The following CTSS variants were observed in gnomAD, a reference collection of about 807,000 sequenced individuals.
The protein encoded by CTSS is cathepsin S.
In CTSS, 15 loss-of-function variants were observed where a neutral mutation model predicts 39.9. The observed-to-expected ratio is 0.38, with a 90% CI of 0.25 to 0.58. The LOEUF is 0.58. Ranked by LOEUF, CTSS falls within the 20% of genes least tolerant of loss-of-function variation. CTSS has a pLI of 0.70. For synonymous variants in CTSS, 126 were observed against 138.2 expected (o/e 0.91, Z 0.62); for missense variants, 250 against 398.2 (o/e 0.63, Z 3.17).
At chr1:150,746,973 A>T (rs1345957263) in intron 7 of CTSS, among the ~76,000 whole-genome samples, 1 of 152,324 alleles carries the variant, frequency 6.6e-6, no homozygotes, top group East Asian at 1.9e-4. Context: ...GCAGTATGAA[A>T]GATGGATTTG....
chr1:150,730,389 C>A lies in CTSS; in HGVS notation c.*2657G>T, dbSNP rs1001659668. 6.6e-6 allele frequency: 1 copy of A among 152,104 alleles called. No individual in the cohort carries two copies. Among genetic ancestry groups the A allele is most frequent in the Non-Finnish European group, 1.5e-5 (1 of 68,032 alleles). The allele number at this position is 152,104 out of a possible 1,614,324, so 9.4% of individuals were successfully genotyped here. A position where few individuals can be genotyped will look rare whatever the true frequency, so the allele number is the denominator to read the frequency against. On this transcript the variant is annotated 3_prime_UTR_variant, in exon 8 of 8. Transcript: ENST00000368985. ...AATAAACTGGGGGAAACTGAGAGGC[C>A]TGTTTGTTTAGATTCCTCTTTGTGT... is the stretch of plus-strand genomic sequence containing the variant.
At chr1:150,739,040 C>T (rs1044479145) in intron 7 of CTSS, among the ~76,000 whole-genome samples, 2 of 152,008 alleles carry the variant, frequency 1.3e-5, no homozygotes, top group African/African-American at 4.8e-5. Context: ...ACTAAAAATA[C>T]AAAATTAGCA....
chr1:150,749,451 C>T (rs751109763), intron 6 of CTSS, among the ~76,000 whole-genome samples: 10 of 152,098 alleles, frequency 6.6e-5, no homozygotes, highest in Admixed American at 3.9e-4. Flanking sequence ...GAACAAGACC[C>T]TAACTCTCTT....
intron 6 of CTSS, among the ~76,000 whole-genome samples, chr1:150,749,652 TCTTC>T (rs1652968372): frequency 6.7e-6 from 1 of 149,254 alleles, no homozygotes; most frequent in African/African-American, 2.5e-5. Flanking sequence ...TCTCTTTCTT[TCTTC>T]CTTGTTTTTT....
Position 150,750,893 on chromosome 1 carries a change from C to T in CTSS, c.628-722G>A, listed in dbSNP as rs866845658. The stretch of plus-strand genomic sequence containing the variant: ...TTGAGCTCAAGCAATCCTCCCACCT[C>T]GACCTCCCAAAGTGCTGACATTACA... On this transcript the variant is annotated intron_variant, in intron 5 of 7. Coordinates refer to ENST00000368985, the MANE Select transcript of CTSS (RefSeq NM_004079.5). 3.3e-5 allele frequency among the ~76,000 whole-genome samples: 5 copies of T among 152,200 alleles called. 1 individual carries two copies. The Middle Eastern group carries it at 0.014, about 414-fold the overall frequency.
intron 7 of CTSS, among the ~76,000 whole-genome samples, chr1:150,734,048 G>A (rs1408004007): frequency 6.7e-6 from 1 of 149,332 alleles, no homozygotes; most frequent in African/African-American, 2.5e-5. Context: ...TTTTTTTGGA[G>A]GTGAAGTTTC....
chr1:150,760,862 CAG>C (rs983527188), intron 2 of CTSS, among the ~76,000 whole-genome samples: 22 of 146,536 alleles, frequency 1.5e-4, no homozygotes, highest in African/African-American at 5.6e-4. Context: ...ACCTGGGTGA[CAG>C]AGCAAGATCT....
intron 7 of CTSS, among the ~76,000 whole-genome samples, chr1:150,744,670 G>T (rs587634106): frequency 7.1e-6 from 1 of 140,462 alleles, no homozygotes; most frequent in South Asian, 2.1e-4. Flanking sequence ...TGTATATTAT[G>T]TATGCATACA....
intron 7 of CTSS, among the ~76,000 whole-genome samples, chr1:150,734,579 G>A (rs1192035708): frequency 6.6e-6 from 1 of 152,112 alleles, no homozygotes; most frequent in Non-Finnish European, 1.5e-5. Flanking sequence ...AGGCAAGGCA[G>A]AGGTTGCAGT....
intron 7 of CTSS, among the ~76,000 whole-genome samples, chr1:150,745,820 CT>C (rs915933734): frequency 1.1e-4 from 16 of 149,246 alleles, no homozygotes; most frequent in South Asian, 4.3e-4. Context: ...AGGCATCAAA[CT>C]TTTTTTTTTA....
At position 150,747,779 on chromosome 1, in the gene CTSS, G is replaced by A; in HGVS notation, c.894C>T (p.Asn298=). 6.2e-7 allele frequency: 1 copy of A among 1,600,160 alleles called. No homozygotes were observed. The highest frequency in any genetic ancestry group is 8.6e-7 in the Non-Finnish European group (1 of 1,168,068). The stretch of plus-strand genomic sequence containing the variant: ...AATATAAAGTGTAAATATATTACCT[G>A]TTTTTCACAAGCCAGTATTCTTTCC... ...LNGKEYWLVK[N]SWGHNFGEEG... The change falls in exon 7 of 8, where the codon AAC becomes AAT. Residue 298 remains asparagine (N), a splice_region_variant and synonymous_variant. Transcript: ENST00000368985.
intron 7 of CTSS, among the ~76,000 whole-genome samples, chr1:150,734,044 T>G (rs1002352992): frequency 6.6e-6 from 1 of 151,800 alleles, no homozygotes; most frequent in African/African-American, 2.4e-5. Flanking sequence ...TTTTTTTTTT[T>G]GGAGGTGAAG....
chr1:150,751,002 G>C (rs1472139615), intron 5 of CTSS, among the ~76,000 whole-genome samples: 1 of 152,138 alleles, frequency 6.6e-6, no homozygotes. Flanking sequence ...CAAAACAATA[G>C]TGGTTAAGGT....
intron 7 of CTSS, among the ~76,000 whole-genome samples, chr1:150,747,073 T>C (rs763146210): frequency 6.6e-6 from 1 of 152,102 alleles, no homozygotes. Context: ...ACTAGAGCCG[T>C]AATAGAAGAA....
In CTSS at chr1:150,757,877, A is replaced by G; in HGVS notation, c.230T>C (p.Met77Thr). ...ACCTACCATGTCTCCCAGGTGGTTC[A>G]TGCCCAGATCGTATGAGTGCATTCC... ...SMGMHSYDLG[M>T]NHLGDMTSEE... is the part of the protein sequence containing the mutation. The change falls in exon 3 of 8, where the codon ATG becomes ACG. Residue 77 changes from methionine to threonine, a missense_variant. Met to Thr is a moderately conservative substitution (Grantham distance 81). Transcript: ENST00000368985. 1.2e-6 allele frequency: 2 copies of G among 1,614,000 alleles called. No homozygotes were observed. Among genetic ancestry groups the G allele is most frequent in the Non-Finnish European group, 8.5e-7 (1 of 1,179,920 alleles).
At chr1:150,751,370 C>A (rs927822398) in intron 5 of CTSS, among the ~76,000 whole-genome samples, 1 of 152,042 alleles carries the variant, frequency 6.6e-6, no homozygotes, top group Non-Finnish European at 1.5e-5. Context: ...GCTTCAGCCT[C>A]CCGAGTAGCT....
At chr1:150,734,065 G>T (rs1363016911) in intron 7 of CTSS, among the ~76,000 whole-genome samples, 3 of 148,374 alleles carry the variant, frequency 2.0e-5, no homozygotes, top group Non-Finnish European at 3.0e-5. Context: ...TTTCGCTCTT[G>T]TTGCCCAGAC....
At chr1:150,756,256 C>G (rs971186673) in intron 3 of CTSS, among the ~76,000 whole-genome samples, 6 of 152,198 alleles carry the variant, frequency 3.9e-5, no homozygotes, top group Non-Finnish European at 8.8e-5. Context: ...ACGTATGGAG[C>G]TGTCATCTCC....
At position 150,750,182 on chromosome 1, in the gene CTSS, A is replaced by T; in HGVS notation, c.628-11T>A. 1 of 1,598,646 alleles carries T rather than the reference A, an allele frequency of 6.3e-7. No homozygotes were observed. Among genetic ancestry groups the T allele is most frequent in the Non-Finnish European group, 8.6e-7 (1 of 1,168,166 alleles). ...TTGACATTTCTGATCCTGCAAAAAG[A>T]AGTATAAATATGATGAAGTATACTT... On this transcript the variant is annotated splice_polypyrimidine_tract_variant and intron_variant, in intron 5 of 7. Coordinates refer to ENST00000368985, the MANE Select transcript of CTSS (RefSeq NM_004079.5).
Sources: allele counts gnomAD v4.1 joint callset (sites outside exome capture counted in the v4.1 genomes callset), GRCh38; gene constraint gnomAD v4.1.1; transcripts MANE v1.5; gene names NCBI Gene and HGNC (gene_info 2026-07-23, HGNC 2026-07-21).